TLN2: variants seen among roughly 807,000 people sequenced by gnomAD.
The protein encoded by TLN2 is talin-2.
A neutral mutation model predicts 294.7 loss-of-function variants in TLN2; 118 were observed. The observed-to-expected ratio is 0.40, with a 90% CI of 0.34 to 0.47. The LOEUF (loss-of-function observed/expected upper bound fraction) is 0.47. Ranked by LOEUF, TLN2 falls within the 20% of genes least tolerant of loss-of-function variation. The probability of loss-of-function intolerance (pLI) is 0.84; values close to 1 mark genes in which losing one functional copy is unlikely to be tolerated. For synonymous variants in TLN2, 1,431 were observed against 1,304.5 expected, an observed-to-expected ratio of 1.10 and a Z score of -2.09; for missense variants, 3,083 against 3,282.2, an observed-to-expected ratio of 0.94 and a Z score of 1.48.
chr15:62,643,201 C>G (rs1032220176), intron 3 of TLN2, among the ~76,000 whole-genome samples: 2 of 151,998 alleles, frequency 1.3e-5, no homozygotes, highest in African/African-American at 2.4e-5. Flanking sequence ...ATTAAAATAT[C>G]TTGTCTTTAA....
chr15:62,515,108 A>C (rs1260135512), intron 1 of TLN2, among the ~76,000 whole-genome samples: 1 of 152,160 alleles, frequency 6.6e-6, no homozygotes, highest in Non-Finnish European at 1.5e-5. Context: ...TTTAATGCTA[A>C]GATTTTTATT....
At chr15:62,414,164 C>CTGTATA (rs2033943257) in intron 1 of TLN2, among the ~76,000 whole-genome samples, 1 of 90,640 alleles carries the variant, frequency 1.1e-5, no homozygotes, top group Non-Finnish European at 2.1e-5. Flanking sequence ...AAAAAAAAAA[C>CTGTATA]TATATATATA....
chr15:62,409,526 AG>A (rs1367563174), intron 1 of TLN2, among the ~76,000 whole-genome samples: 1 of 152,224 alleles, frequency 6.6e-6, no homozygotes, highest in Non-Finnish European at 1.5e-5. Context: ...TTTTTATAAA[AG>A]CTCATGCAAT....
chr15:62,828,399 T>G (rs1356918424), intron 54 of TLN2: 2 of 152,226 alleles, frequency 1.3e-5, no homozygotes, highest in South Asian at 2.1e-4. Flanking sequence ...AAAGGAGAAG[T>G]TAATTCAGCA....
intron 1 of TLN2, among the ~76,000 whole-genome samples, chr15:62,565,007 A>G (rs2043283556): frequency 6.6e-6 from 1 of 151,466 alleles, no homozygotes. Flanking sequence ...TGTTGCCTGC[A>G]TAATTCCCCC....
At chr15:62,652,243 CA>C in intron 6 of TLN2, 109 bp downstream of exon 6, 1 of 1,250,246 alleles carries the variant, frequency 8.0e-7, no homozygotes, top group Non-Finnish European at 1.1e-6. Context: ...TGTGTCTTAA[CA>C]CGCCGAGTTC....
chr15:62,624,106 GT>G (rs2049060966), intron 3 of TLN2, among the ~76,000 whole-genome samples: 1 of 152,184 alleles, frequency 6.6e-6, no homozygotes, highest in Non-Finnish European at 1.5e-5. Flanking sequence ...CTACACGTGA[GT>G]TTTGTATTCC....
intron 3 of TLN2, among the ~76,000 whole-genome samples, chr15:62,632,468 G>C (rs544372197): frequency 1.3e-5 from 2 of 152,244 alleles, no homozygotes; most frequent in South Asian, 4.1e-4. Context: ...TGTACTGCTT[G>C]CTACTGTCCT....
At chr15:62,462,547 C>T (rs766987023) in intron 1 of TLN2, among the ~76,000 whole-genome samples, 16 of 152,190 alleles carry the variant, frequency 1.1e-4, no homozygotes, top group Admixed American at 5.2e-4. Flanking sequence ...GATTGCCAGG[C>T]TGAGAGTGTG....
intron 2 of TLN2, among the ~76,000 whole-genome samples, chr15:62,601,839 A>G (rs1273658131): frequency 6.6e-6 from 1 of 152,146 alleles, no homozygotes; most frequent in Non-Finnish European, 1.5e-5. Context: ...TTTTAGCGTA[A>G]TTTAATTGAT....
intron 32 of TLN2, among the ~76,000 whole-genome samples, chr15:62,747,550 T>C (rs1474455417): frequency 6.6e-6 from 1 of 152,210 alleles, no homozygotes; most frequent in African/African-American, 2.4e-5. Context: ...GTTATCTTGT[T>C]CCATGGGGAC....
At chr15:62,689,247 A>G (rs776436096) in intron 12 of TLN2, among the ~76,000 whole-genome samples, 2 of 152,012 alleles carry the variant, frequency 1.3e-5, no homozygotes, top group African/African-American at 2.4e-5. Flanking sequence ...TTTCCCCCTT[A>G]AGTGTAGAAA....
chr15:62,840,198 C>G (rs1051530282), intron 58 of TLN2, among the ~76,000 whole-genome samples: 1 of 152,182 alleles, frequency 6.6e-6, no homozygotes, highest in Non-Finnish European at 1.5e-5. Flanking sequence ...AAGGGACTGT[C>G]TACGTGGAGT....
intron 52 of TLN2, among the ~76,000 whole-genome samples, chr15:62,817,756 A>G (rs1186628587): frequency 6.6e-6 from 1 of 151,376 alleles, no homozygotes; most frequent in Non-Finnish European, 1.5e-5. Context: ...CATTTAATGA[A>G]TGTCTATTGT....
rs146218688 is a variant in TLN2 at position 62,467,746 on chromosome 15, C to G, written c.-238+77061C>G. ...TTGAATAATTGCAAAATTTGCATGACATGAATTTAAGCTAGAACACAGAAC... is the reference window on the plus strand; with the variant it reads ...TTGAATAATTGCAAAATTTGCATGAGATGAATTTAAGCTAGAACACAGAAC... On this transcript the variant is annotated intron_variant, in intron 1 of 58. Transcript: ENST00000636159. Among the ~76,000 whole-genome samples the G allele has an allele frequency of 3.3e-5, 5 of 152,230 alleles. No individual in the cohort carries two copies. The East Asian group carries it at 9.7e-4, about 29-fold the overall frequency.
chr15:62,536,673 A>G (rs1420302698), intron 1 of TLN2, among the ~76,000 whole-genome samples: 3 of 152,200 alleles, frequency 2.0e-5, no homozygotes, highest in African/African-American at 4.8e-5. Context: ...GCATGAAGGA[A>G]GAGATGGATG....
chr15:62,609,239 T>G (rs954065353), intron 2 of TLN2, among the ~76,000 whole-genome samples: 1 of 152,206 alleles, frequency 6.6e-6, no homozygotes, highest in African/African-American at 2.4e-5. Context: ...TCTGAACCAT[T>G]TGATTGTAAG....
intron 2 of TLN2, among the ~76,000 whole-genome samples, chr15:62,610,132 G>A (rs2047800923): frequency 6.6e-6 from 1 of 152,216 alleles, no homozygotes; most frequent in South Asian, 2.1e-4. Flanking sequence ...ATGATCAGAA[G>A]TCAAGATCTG....
intron 1 of TLN2, among the ~76,000 whole-genome samples, chr15:62,582,951 T>C (rs2045270235): frequency 6.6e-6 from 1 of 152,200 alleles, no homozygotes; most frequent in South Asian, 2.1e-4. Flanking sequence ...TAATTTAATT[T>C]GCTGAATGAC....
Sources: gnomAD v4.1 joint callset for allele counts (sites outside exome capture counted in the v4.1 genomes callset) on GRCh38, gnomAD v4.1.1 for gene constraint, MANE v1.5 for transcripts, NCBI Gene and HGNC (gene_info 2026-07-23, HGNC 2026-07-21) for gene names.